The following EED variants were observed in gnomAD, a reference collection of about 807,000 sequenced individuals.
The protein encoded by EED is embryonic ectoderm development.
Under a neutral mutation model 61.0 loss-of-function variants are expected in EED, and 9 were observed. The observed-to-expected ratio is 0.15, with a 90% CI of 0.09 to 0.26. The LOEUF (loss-of-function observed/expected upper bound fraction) is 0.26. EED is among the 10% of genes least tolerant of loss of function. The pLI, the probability that EED is intolerant of heterozygous loss-of-function variation, is 1.00. For synonymous variants in EED, 187 were observed against 174.4 expected (o/e 1.07, Z -0.57); for missense variants, 315 against 542.3 (o/e 0.58, Z 4.16).
intron 1 of EED, among the ~76,000 whole-genome samples, chr11:86,247,742 G>A (rs1036303025): frequency 2.0e-5 from 3 of 152,218 alleles, no homozygotes; most frequent in Non-Finnish European, 4.4e-5. Flanking sequence ...GTTTAGAAAA[G>A]ATAAGGGCAA....
chr11:86,270,037 G>A (rs949478061), intron 9 of EED: 12 of 669,304 alleles, frequency 1.8e-5, no homozygotes, highest in African/African-American at 7.2e-5. Flanking sequence ...CTGGGTTGTG[G>A]TTAAGTTTGT....
chr11:86,265,272 CAT>C (rs1945946610), intron 7 of EED: 1 of 152,150 alleles, frequency 6.6e-6, no homozygotes, highest in Non-Finnish European at 1.5e-5. Context: ...GCTGGATTAA[CAT>C]ATAGTATCTA....
intron 6 of EED, 85 bp from the exon 7 acceptor site, chr11:86,264,087 G>C: frequency 9.6e-7 from 1 of 1,045,542 alleles, no homozygotes; most frequent in Non-Finnish European, 1.5e-6. Context: ...CTTACATCTA[G>C]ACTTTAGTAG....
intron 6 of EED, among the ~76,000 whole-genome samples, chr11:86,262,545 C>G (rs940180309): frequency 6.6e-6 from 1 of 152,168 alleles, no homozygotes; most frequent in Non-Finnish European, 1.5e-5. Context: ...CCCTCACACC[C>G]TCTCCTTCCC....
At chr11:86,260,155 A>G (rs1044535763) in intron 6 of EED, among the ~76,000 whole-genome samples, 47 of 152,214 alleles carry the variant, frequency 3.1e-4, no homozygotes, top group African/African-American at 1.1e-3. Flanking sequence ...TGATGCATTT[A>G]TATTCACAGA....
intron 8 of EED, chr11:86,267,787 G>A: frequency 2.3e-5 from 1 of 42,994 alleles, no homozygotes. Context: ...TTTTTTTTTT[G>A]TATTTTTAGT....
At chr11:86,245,449 T>G (rs1593712226) in intron 1 of EED, 106 bp downstream of exon 1, 10 of 893,774 alleles carry the variant, frequency 1.1e-5, no homozygotes, top group Middle Eastern at 2.7e-4. Context: ...GAGGGAGAGG[T>G]GTCACTCAGG....
At chr11:86,263,624 TC>T (rs1945898520) in intron 6 of EED, among the ~76,000 whole-genome samples, 2 of 152,198 alleles carry the variant, frequency 1.3e-5, no homozygotes, top group Admixed American at 1.3e-4. Flanking sequence ...TAAGCAGTCC[TC>T]CCATCTTGGC....
chr11:86,263,483 A>C lies in EED; in HGVS notation c.635-689A>C, dbSNP rs1023792695. Among the ~76,000 whole-genome samples, 5 of 152,206 alleles carry C rather than the reference A, an allele frequency of 3.3e-5. No homozygotes were observed. The South Asian group carries it at 1.0e-3, about 32-fold the overall frequency. ...CCATTTTGTGCTGCTATAACACAAT[A>C]CCACAGACTAGGTGACTGACTGATG... On this transcript the variant is annotated intron_variant, in intron 6 of 11. Transcript: ENST00000263360.
At chr11:86,274,109 T>C (rs913201677) in intron 9 of EED, among the ~76,000 whole-genome samples, 1 of 151,954 alleles carries the variant, frequency 6.6e-6, no homozygotes, top group Non-Finnish European at 1.5e-5. Context: ...TTCTTTTTTT[T>C]TTTTTGTTCA....
chr11:86,270,671 T>A (rs929951272), intron 9 of EED, among the ~76,000 whole-genome samples: 1 of 152,244 alleles, frequency 6.6e-6, no homozygotes, highest in Non-Finnish European at 1.5e-5. Context: ...ATTAAATGTG[T>A]AATCCATTTT....
chr11:86,255,607 C>T (rs533654179), intron 4 of EED, among the ~76,000 whole-genome samples: 1 of 152,106 alleles, frequency 6.6e-6, no homozygotes, highest in Admixed American at 6.5e-5. Flanking sequence ...TGATTAAAAC[C>T]TCCTTTTTCT....
chr11:86,256,726 G>A (rs1483995545), intron 5 of EED, among the ~76,000 whole-genome samples: 1 of 152,176 alleles, frequency 6.6e-6, no homozygotes, highest in Non-Finnish European at 1.5e-5. Flanking sequence ...AATATTTGTA[G>A]TGCTTTCTTT....
At chr11:86,264,365 T>C in intron 7 of EED, 102 bp downstream of exon 7, 1 of 747,622 alleles carries the variant, frequency 1.3e-6, no homozygotes. Context: ...ATGTAGCCTG[T>C]CAGGCAGACA....
At chr11:86,248,356 C>T (rs1188828198) in intron 1 of EED, among the ~76,000 whole-genome samples, 3 of 152,132 alleles carry the variant, frequency 2.0e-5, no homozygotes, top group Non-Finnish European at 2.9e-5. Flanking sequence ...GCCCTATTAA[C>T]GAATGTTTTG....
intron 9 of EED, among the ~76,000 whole-genome samples, chr11:86,274,458 G>A (rs1593770504): frequency 6.6e-6 from 1 of 152,128 alleles, no homozygotes; most frequent in East Asian, 1.9e-4. Flanking sequence ...GGTATTACGA[G>A]ACTCTGGACC....
downstream of EED, among the ~76,000 whole-genome samples, chr11:86,283,550 A>T (rs1235539962): frequency 6.6e-6 from 1 of 152,232 alleles, no homozygotes; most frequent in African/African-American, 2.4e-5. Flanking sequence ...CTTTCATGTA[A>T]CAGGGGTCAG....
intron 6 of EED, among the ~76,000 whole-genome samples, chr11:86,263,746 A>T (rs374506615): frequency 2.6e-5 from 4 of 152,202 alleles, no homozygotes; most frequent in Non-Finnish European, 5.9e-5. Flanking sequence ...GTCCAAGAAC[A>T]TGGTGCCGGC....
At chr11:86,261,858 T>A (rs1945838018) in intron 6 of EED, among the ~76,000 whole-genome samples, 1 of 152,050 alleles carries the variant, frequency 6.6e-6, no homozygotes, top group Non-Finnish European at 1.5e-5. Flanking sequence ...AATGTAGAGG[T>A]CCCATGGGTG....
Sources: allele counts gnomAD v4.1 joint callset (sites outside exome capture counted in the v4.1 genomes callset), GRCh38; gene constraint gnomAD v4.1.1; transcripts MANE v1.5; gene names NCBI Gene and HGNC (gene_info 2026-07-23, HGNC 2026-07-21).